Variants in MGAT4A observed in about 807,000 individuals in gnomAD.
MGAT4A encodes the protein alpha-1,3-mannosyl-glycoprotein 4-beta-N-acetylglucosaminyltransferase A.
Under a neutral mutation model 74.1 loss-of-function variants are expected in MGAT4A, and 33 were observed. The ratio of observed to expected loss-of-function variants is 0.45; its 90% CI spans 0.34 to 0.60. MGAT4A has a LOEUF of 0.60. Among genes scored for constraint, MGAT4A ranks in the 20% least tolerant of loss-of-function variants. The pLI, the probability that MGAT4A is intolerant of heterozygous loss-of-function variation, is 0.02. For synonymous variants in MGAT4A, 198 were observed against 210.4 expected (o/e 0.94, Z 0.51); for missense variants, 479 against 628.3 (o/e 0.76, Z 2.54).
chr2:98,726,121 C>T (rs1381974175), intron 2 of MGAT4A, 118 bp downstream of exon 2: 2 of 620,012 alleles, frequency 3.2e-6, no homozygotes, highest in Admixed American at 3.0e-5. Context: ...AAAGAAACTG[C>T]CAGCAGATAG....
At chr2:98,689,133 T>G (rs887171974) in intron 2 of MGAT4A, among the ~76,000 whole-genome samples, 1 of 152,188 alleles carries the variant, frequency 6.6e-6, no homozygotes, top group Admixed American at 6.5e-5. Context: ...CTTATTGTGT[T>G]TCTAAGACTA....
At chr2:98,646,895 A>G (rs1461689932) in intron 8 of MGAT4A, among the ~76,000 whole-genome samples, 1 of 152,256 alleles carries the variant, frequency 6.6e-6, no homozygotes, top group Non-Finnish European at 1.5e-5. Flanking sequence ...TGGTGAACAT[A>G]GTACCCAATA....
chr2:98,619,363 T>C lies in MGAT4A; in HGVS notation c.*6203A>G, dbSNP rs935045980. ...CAATGAAGACATTTTAAGGAAAATA[T>C]ATACAATACATTTAAGAAAAAAAAA... On this transcript the variant is annotated 3_prime_UTR_variant, in exon 16 of 16. Coordinates refer to ENST00000393487, the MANE Select transcript of MGAT4A (RefSeq NM_012214.3). 5 of 152,206 alleles carry C rather than the reference T, an allele frequency of 3.3e-5. No homozygotes were observed. Among genetic ancestry groups the C allele is most frequent in the Admixed American group, 6.6e-5 (1 of 15,260 alleles). 9.4% of individuals were successfully genotyped at this position (152,206 alleles called of 1,614,324 possible). A position where few individuals can be genotyped will look rare whatever the true frequency, so the allele number is the denominator to read the frequency against.
intron 4 of MGAT4A, among the ~76,000 whole-genome samples, chr2:98,674,026 G>C (rs1701946330): frequency 6.6e-6 from 1 of 152,216 alleles, no homozygotes; most frequent in African/African-American, 2.4e-5. Context: ...GCTATTTTAA[G>C]AGTTTCCACC....
At chr2:98,677,273 C>A (rs920095676) in intron 3 of MGAT4A, among the ~76,000 whole-genome samples, 1 of 152,100 alleles carries the variant, frequency 6.6e-6, no homozygotes, top group African/African-American at 2.4e-5. Context: ...TTTAAGAGCA[C>A]GAATTGCTTC....
intron 8 of MGAT4A, among the ~76,000 whole-genome samples, chr2:98,650,865 G>A (rs146841954): frequency 2.4e-4 from 37 of 152,170 alleles, no homozygotes; most frequent in African/African-American, 7.7e-4. Flanking sequence ...GCAGAATGGC[G>A]TGAACCCGGA....
intron 6 of MGAT4A, among the ~76,000 whole-genome samples, chr2:98,657,087 C>A (rs986578149): frequency 3.3e-5 from 5 of 152,172 alleles, no homozygotes; most frequent in Non-Finnish European, 7.4e-5. Context: ...CGGCAGCCCC[C>A]ACAACAAAAA....
rs144774901 is a variant in MGAT4A, at chr2:98,639,819, G to T, written c.1311C>A (p.Val437=). Residue 437 remains valine (V), a synonymous_variant, in exon 12 of 16, where the codon GTC becomes GTA. Transcript: ENST00000393487. ...CAATAATCACCAACCTTTCTACATT[G>T]ACTGGTTTATCAAATTTAAACAAGA... ...DYILFKFDKP[V]NVESYLFHSG... is the part of the protein sequence containing the mutation. 1.7e-5 allele frequency: 28 copies of T among 1,610,236 alleles called. No homozygotes were observed. Among genetic ancestry groups the T allele is most frequent in the Non-Finnish European group, 2.0e-5 (24 of 1,177,874 alleles).
intron 4 of MGAT4A, among the ~76,000 whole-genome samples, chr2:98,670,578 T>C (rs1701898264): frequency 6.6e-6 from 1 of 152,250 alleles, no homozygotes; most frequent in South Asian, 2.1e-4. Context: ...ATAACTAAAT[T>C]ATGTCCCTTT....
intron 4 of MGAT4A, among the ~76,000 whole-genome samples, chr2:98,669,995 A>T (rs1701891260): frequency 6.6e-6 from 1 of 152,246 alleles, no homozygotes; most frequent in Non-Finnish European, 1.5e-5. Flanking sequence ...GAGCAAAAAA[A>T]TAAATAAACA....
In MGAT4A at chr2:98,726,458, G is replaced by C; in HGVS notation, c.-126C>G. ...TAGGCCAATAAAAATCAATAAGAGA[G>C]GTTCATTTCAGATGATCTGCAGGAG... On this transcript the variant is annotated 5_prime_UTR_variant, in exon 2 of 16. Transcript: ENST00000393487. 1 of 667,876 alleles carries C rather than the reference G, an allele frequency of 1.5e-6. No individual in the cohort carries two copies. The highest frequency in any genetic ancestry group is 2.5e-6 in the Non-Finnish European group (1 of 400,938). 41.4% of individuals were successfully genotyped at this position (667,876 alleles called of 1,614,324 possible).
intron 2 of MGAT4A, among the ~76,000 whole-genome samples, chr2:98,722,036 A>C (rs1046199104): frequency 1.3e-5 from 2 of 152,228 alleles, no homozygotes; most frequent in Non-Finnish European, 2.9e-5. Flanking sequence ...AAACAGATTG[A>C]AGTAAAAGTA....
chr2:98,671,298 C>A (rs1701908094), intron 4 of MGAT4A, among the ~76,000 whole-genome samples: 1 of 152,212 alleles, frequency 6.6e-6, no homozygotes, highest in Non-Finnish European at 1.5e-5. Context: ...ATTATCTATT[C>A]CTCTTCCCAC....
At chr2:98,646,424 C>T (rs1701486482) in intron 8 of MGAT4A, among the ~76,000 whole-genome samples, 1 of 152,048 alleles carries the variant, frequency 6.6e-6, no homozygotes, top group African/African-American at 2.4e-5. Context: ...ATTACTGAGG[C>T]CAGGCACAGT....
intron 6 of MGAT4A, among the ~76,000 whole-genome samples, chr2:98,657,148 AG>A (rs771490676): frequency 5.9e-5 from 9 of 152,238 alleles, no homozygotes; most frequent in Non-Finnish European, 1.2e-4. Flanking sequence ...CCCTTTCTAA[AG>A]TTTTTAATTA....
chr2:98,644,035 G>A lies in MGAT4A; in HGVS notation c.908C>T (p.Pro303Leu), dbSNP rs147564347. The change falls in exon 10 of 16, where the codon CCG becomes CTG. Residue 303 changes from proline (P) to leucine (L), a missense_variant. Around this residue, in one of 3 missense-constraint regions of MGAT4A, gnomAD observed 236 missense variants for 308.2 expected, o/e 0.77. Coordinates refer to ENST00000393487, the MANE Select transcript of MGAT4A (RefSeq NM_012214.3). ...LGFIGKMFQA[P>L]DLTLIVEFIF... is the part of the protein sequence containing the mutation. ...GAATTCTACAATCAGAGTAAGATCC[G>A]GCGCTTGAAACATTTTACCTGAAAA... is the stretch of plus-strand genomic sequence containing the variant. 273 of 1,586,688 alleles carry A rather than the reference G, an allele frequency of 1.7e-4. No homozygotes were observed. The highest frequency in any genetic ancestry group is 2.6e-4 in the Admixed American group (15 of 58,054).
chr2:98,700,891 C>CAAA (rs199625081), intron 2 of MGAT4A, among the ~76,000 whole-genome samples: 8 of 65,174 alleles, frequency 1.2e-4, no homozygotes, highest in African/African-American at 2.7e-4. Flanking sequence ...GACTCTGTCT[C>CAAA]AAAAAAAAAA....
At chr2:98,637,958 C>T (rs749457241) in intron 12 of MGAT4A, among the ~76,000 whole-genome samples, 47 of 152,138 alleles carry the variant, frequency 3.1e-4, no homozygotes, top group Non-Finnish European at 6.6e-4. Flanking sequence ...GTGATAGAAA[C>T]GGTCCTTATC....
intron 2 of MGAT4A, among the ~76,000 whole-genome samples, chr2:98,710,045 AC>A (rs1354654241): frequency 6.6e-6 from 1 of 152,204 alleles, no homozygotes; most frequent in South Asian, 2.1e-4. Flanking sequence ...GGAAAAAAAA[AC>A]AATCAATGAC....
Sources: gnomAD v4.1 joint callset for allele counts (sites outside exome capture counted in the v4.1 genomes callset) on GRCh38, gnomAD v4.1.1 for gene constraint, gnomAD v4.1.1 regional missense constraint, MANE v1.5 for transcripts, NCBI Gene and HGNC (gene_info 2026-07-23, HGNC 2026-07-21) for gene names.